The following ERBB4 variants were observed in gnomAD, a reference collection of about 807,000 sequenced individuals.
ERBB4 encodes the protein receptor tyrosine-protein kinase erbB-4.
In ERBB4, 42 loss-of-function variants were observed where a neutral mutation model predicts 158.0. The ratio of observed to expected loss-of-function variants is 0.27; its 90% confidence interval spans 0.21 to 0.34. The LOEUF is 0.34. ERBB4 is among the 10% of genes least tolerant of loss of function. The probability of loss-of-function intolerance (pLI) is 1.00; values close to 1 mark genes in which losing one functional copy is unlikely to be tolerated. For missense variants in ERBB4, 1,333 were observed against 1,624.1 expected (o/e 0.82, Z 3.08); for synonymous variants, 583 against 558.7 (o/e 1.04, Z -0.61).
chr2:212,362,206 T>C (rs2106364384), intron 1 of ERBB4, among the ~76,000 whole-genome samples: 1 of 151,624 alleles, frequency 6.6e-6, no homozygotes, highest in Non-Finnish European at 1.5e-5. Context: ...GGTAAAAGTA[T>C]GACTTTCAAA....
intron 16 of ERBB4, among the ~76,000 whole-genome samples, chr2:211,631,200 A>G (rs576101134): frequency 1.3e-5 from 2 of 152,198 alleles, no homozygotes; most frequent in Non-Finnish European, 2.9e-5. Flanking sequence ...ATCTGTCAAC[A>G]TCACCCCCAG....
chr2:211,788,906 T>C (rs1349425473), intron 3 of ERBB4, among the ~76,000 whole-genome samples: 1 of 152,144 alleles, frequency 6.6e-6, no homozygotes, highest in Non-Finnish European at 1.5e-5. Flanking sequence ...AATCCTGTGG[T>C]TCACTGAAGT....
intron 1 of ERBB4, among the ~76,000 whole-genome samples, chr2:212,338,802 G>T (rs1018423271): frequency 6.6e-6 from 1 of 152,026 alleles, no homozygotes; most frequent in East Asian, 1.9e-4. Flanking sequence ...CATTTAAATG[G>T]ATGCTTCAAA....
intron 1 of ERBB4, among the ~76,000 whole-genome samples, chr2:212,250,562 A>G (rs970067164): frequency 1.3e-5 from 2 of 151,990 alleles, no homozygotes; most frequent in Non-Finnish European, 2.9e-5. Context: ...AATTTGGGAC[A>G]CAGGATTAAT....
chr2:211,868,075 T>C (rs765209323), intron 3 of ERBB4, among the ~76,000 whole-genome samples: 1 of 152,218 alleles, frequency 6.6e-6, no homozygotes. Context: ...TTCCAGTACA[T>C]AGAACTGCAG....
intron 1 of ERBB4, among the ~76,000 whole-genome samples, chr2:212,204,326 T>C (rs12694267): frequency 0.54 from 82,778 of 152,014 alleles, 24,315 homozygotes; most frequent in African/African-American, 0.74. Context: ...TATTTTGTTT[T>C]AAACTTAATG....
At chr2:211,532,146 G>T (rs1004871636) in intron 20 of ERBB4, among the ~76,000 whole-genome samples, 1 of 128,798 alleles carries the variant, frequency 7.8e-6, no homozygotes, top group South Asian at 3.1e-4. Context: ...GTCTGGGAAG[G>T]GTTGTGGGGG....
rs200876581 is a variant in ERBB4 at position 212,368,574 on chromosome 2, G to GA, written c.82+169874dup. 8.4e-4 allele frequency among the ~76,000 whole-genome samples: 126 copies of GA among 149,706 alleles called. 1 individual carries two copies. The highest frequency in any genetic ancestry group is 3.4e-3 in the Middle Eastern group (1 of 292). On this transcript the variant is annotated intron_variant, in intron 1 of 27. Transcript: ENST00000342788. Reference sequence around the variant, plus strand: ...CCCACCTTTACCCCAATAACTTATGGAAAAAAAAAGACTCTTAATGGTGTC... The same window carrying GA: ...CCCACCTTTACCCCAATAACTTATGGAAAAAAAAAAGACTCTTAATGGTGTC...
At chr2:211,865,538 A>G (rs2078182894) in intron 3 of ERBB4, among the ~76,000 whole-genome samples, 1 of 151,662 alleles carries the variant, frequency 6.6e-6, no homozygotes, top group South Asian at 2.1e-4. Flanking sequence ...CCCAGGCTGG[A>G]GTGCAATGGC....
chr2:211,483,111 T>C (rs1052648337), intron 20 of ERBB4, among the ~76,000 whole-genome samples: 1 of 151,800 alleles, frequency 6.6e-6, no homozygotes, highest in African/African-American at 2.4e-5. Flanking sequence ...AAAAGCAGAT[T>C]AATATTGCAG....
At chr2:212,242,123 T>A (rs1521638) in intron 1 of ERBB4, among the ~76,000 whole-genome samples, 88,751 of 151,616 alleles carry the variant, frequency 0.59, 26,425 homozygotes, top group East Asian at 0.74. Flanking sequence ...CATAACAAGA[T>A]GTTTAGCCTA....
chr2:211,501,912 C>T (rs989762085), intron 20 of ERBB4, among the ~76,000 whole-genome samples: 2 of 152,024 alleles, frequency 1.3e-5, no homozygotes, highest in African/African-American at 4.8e-5. Flanking sequence ...ATTAAATCTC[C>T]CAGAGCATTT....
At chr2:212,321,525 T>G (rs1407003105) in intron 1 of ERBB4, among the ~76,000 whole-genome samples, 2 of 150,396 alleles carry the variant, frequency 1.3e-5, no homozygotes, top group African/African-American at 4.8e-5. Context: ...TTCATCTGTA[T>G]TAAAAATACA....
intron 1 of ERBB4, among the ~76,000 whole-genome samples, chr2:212,183,413 T>C (rs1157175592): frequency 6.6e-6 from 1 of 152,022 alleles, no homozygotes; most frequent in Admixed American, 6.6e-5. Flanking sequence ...TCATAGTTAC[T>C]GATTTTCAAA....
intron 5 of ERBB4, among the ~76,000 whole-genome samples, chr2:211,733,477 A>C (rs933972366): frequency 1.4e-4 from 21 of 147,674 alleles, no homozygotes; most frequent in African/African-American, 4.3e-4. Flanking sequence ...AATATTTTTA[A>C]AAATTAGAAT....
At chr2:212,003,278 C>A (rs1439849192) in intron 2 of ERBB4, among the ~76,000 whole-genome samples, 1 of 140,292 alleles carries the variant, frequency 7.1e-6, no homozygotes, top group Non-Finnish European at 1.6e-5. Flanking sequence ...AAAGACAATA[C>A]AAATGAATAT....
intron 4 of ERBB4, among the ~76,000 whole-genome samples, chr2:211,766,945 C>T (rs1376134626): frequency 6.6e-6 from 1 of 152,138 alleles, no homozygotes; most frequent in Non-Finnish European, 1.5e-5. Context: ...GACTTGGTAA[C>T]TTCACTTCAG....
Position 211,379,582 on chromosome 2 carries a change from A to T in ERBB4, c.*4033T>A. 4.3e-6 allele frequency: 1 copy of T among 231,252 alleles called. No homozygotes were observed. Among genetic ancestry groups the T allele is most frequent in the East Asian group, 6.2e-5 (1 of 16,242 alleles). The allele number at this position is 231,252 out of a possible 1,614,324, so 14.3% of individuals were successfully genotyped here. A position where few individuals can be genotyped will look rare whatever the true frequency, so the allele number is the denominator to read the frequency against. ...ATCCTGCATTTAACTTTGTTACATTATACTTGTGGTTAGTTTTCTAGTTTG... is the reference window on the plus strand; with the variant it reads ...ATCCTGCATTTAACTTTGTTACATTTTACTTGTGGTTAGTTTTCTAGTTTG... On this transcript the variant is annotated 3_prime_UTR_variant, in exon 28 of 28. Transcript: ENST00000342788.
At chr2:211,564,588 G>T (rs1213247698) in intron 19 of ERBB4, among the ~76,000 whole-genome samples, 2 of 152,098 alleles carry the variant, frequency 1.3e-5, no homozygotes, top group African/African-American at 4.8e-5. Flanking sequence ...TTTCAACCAA[G>T]TGAATGCATA....
Sources: allele counts gnomAD v4.1 joint callset (sites outside exome capture counted in the v4.1 genomes callset), GRCh38; gene constraint gnomAD v4.1.1; transcripts MANE v1.5; gene names NCBI Gene and HGNC (gene_info 2026-07-23, HGNC 2026-07-21).